KDM7A: variants seen among roughly 807,000 people sequenced by gnomAD.
KDM7A encodes the protein lysine-specific demethylase 7A.
Under a neutral mutation model 114.8 loss-of-function variants are expected in KDM7A, and 28 were observed. The observed-to-expected ratio is 0.24, with a 90% CI of 0.18 to 0.33. The LOEUF is 0.33. Ranked by LOEUF, KDM7A falls within the 10% of genes least tolerant of loss-of-function variation. The pLI is 1.00. For synonymous variants in KDM7A, 423 were observed against 397.8 expected (o/e 1.06, Z -0.75); for missense variants, 942 against 1,142.5 (o/e 0.82, Z 2.53).
rs910346665 is a variant in KDM7A, at chr7:140,166,325, CT to C, written c.194+10418del. On this transcript the variant is annotated intron_variant, in intron 1 of 19. Transcript: ENST00000397560. Reference sequence around the variant, plus strand: ...ACTACGTACATAAAATTGAGGAATACTTTTTTTTCCTTTTTTTTTTTTTTTT... The same window carrying C: ...ACTACGTACATAAAATTGAGGAATACTTTTTTTCCTTTTTTTTTTTTTTTT... Among the ~76,000 whole-genome samples the C allele has an allele frequency of 1.7e-4, 25 of 145,454 alleles. 1 individual carries two copies. The highest frequency in any genetic ancestry group is 4.0e-4 in the East Asian group (2 of 5,052).
At chr7:140,118,994 C>G (rs1818575937) in intron 9 of KDM7A, 119 bp downstream of exon 9, 1 of 568,944 alleles carries the variant, frequency 1.8e-6, no homozygotes, top group Admixed American at 2.7e-5. Context: ...ATTTAAAAAA[C>G]AAAATAGGAG....
chr7:140,144,030 T>C (rs1485234250), intron 1 of KDM7A, among the ~76,000 whole-genome samples: 1 of 152,228 alleles, frequency 6.6e-6, no homozygotes, highest in Non-Finnish European at 1.5e-5. Flanking sequence ...CATAGTTTCT[T>C]ATAAGAAACT....
At chr7:140,166,757 T>G (rs1470426981) in intron 1 of KDM7A, among the ~76,000 whole-genome samples, 1 of 152,220 alleles carries the variant, frequency 6.6e-6, no homozygotes, top group Non-Finnish European at 1.5e-5. Flanking sequence ...TCTACCACTA[T>G]TCAACTCTAT....
Position 140,127,484 on chromosome 7 carries a change from G to T in KDM7A, c.659C>A (p.Pro220Gln). Reference protein sequence around the residue: ...YVKYFMNPNRPKVLNVISLEF... With the variant: ...YVKYFMNPNRQKVLNVISLEF... Reference sequence around the variant, plus strand: ...AAGGCTGATCACATTTAACACTTTTGGTCTGTTAGGATTCATGAAGTATTT... The same window carrying T: ...AAGGCTGATCACATTTAACACTTTTTGTCTGTTAGGATTCATGAAGTATTT... Residue 220 changes from proline (P) to glutamine (Q), a missense_variant, in exon 5 of 20, where the codon CCA (proline) becomes CAA (glutamine). Transcript: ENST00000397560. 6.2e-7 allele frequency: 1 copy of T among 1,613,374 alleles called. No individual in the cohort carries two copies. The highest frequency in any genetic ancestry group is 8.5e-7 in the Non-Finnish European group (1 of 1,179,518).
chr7:140,102,561 CA>C (rs1278792735), intron 11 of KDM7A, among the ~76,000 whole-genome samples: 2 of 152,096 alleles, frequency 1.3e-5, no homozygotes, highest in Non-Finnish European at 2.9e-5. Flanking sequence ...GTTTTAGAGA[CA>C]AGTATTTGCC....
intron 1 of KDM7A, among the ~76,000 whole-genome samples, chr7:140,163,501 C>T (rs1794542384): frequency 6.6e-6 from 1 of 152,062 alleles, no homozygotes; most frequent in Non-Finnish European, 1.5e-5. Context: ...AGGCTAGTCT[C>T]AAACTCCTGT....
intron 14 of KDM7A, 145 bp from the exon 15 acceptor site, chr7:140,097,787 C>A: frequency 1.8e-6 from 1 of 546,226 alleles, no homozygotes. Flanking sequence ...TTATTTTCTT[C>A]ATTTCTTTCT....
chr7:140,128,846 T>C (rs748539461), intron 4 of KDM7A, among the ~76,000 whole-genome samples: 3 of 152,248 alleles, frequency 2.0e-5, no homozygotes, highest in Admixed American at 1.3e-4. Flanking sequence ...GTCAGCTTTA[T>C]CTGTAAATAT....
Position 140,142,969 on chromosome 7 carries a change from C to A in KDM7A, c.195-3779G>T, listed in dbSNP as rs1033410353. ...AATCAAGGCGGGCGGATCACGAGGT[C>A]AGGAGATCGAGACCACCCTGGCTAA... On this transcript the variant is annotated intron_variant, in intron 1 of 19. Transcript: ENST00000397560. Among the ~76,000 whole-genome samples the A allele has an allele frequency of 6.6e-5, 10 of 151,818 alleles. No individual in the cohort carries two copies. The East Asian group carries it at 1.9e-3, about 29-fold the overall frequency.
intron 18 of KDM7A, among the ~76,000 whole-genome samples, chr7:140,093,265 T>C (rs534524581): frequency 9.2e-5 from 14 of 152,292 alleles, no homozygotes; most frequent in African/African-American, 3.4e-4. Flanking sequence ...CTGAGGTCTT[T>C]CGGTGCCATG....
chr7:140,152,764 T>C (rs938552841), intron 1 of KDM7A, among the ~76,000 whole-genome samples: 1 of 152,148 alleles, frequency 6.6e-6, no homozygotes, highest in Non-Finnish European at 1.5e-5. Context: ...CAGGGCAATA[T>C]GTAAAGTACA....
intron 2 of KDM7A, among the ~76,000 whole-genome samples, chr7:140,137,540 T>C (rs535404199): frequency 8.5e-5 from 13 of 152,332 alleles, no homozygotes; most frequent in Middle Eastern, 6.8e-3. Flanking sequence ...CAACAATTAT[T>C]TCAAGTTATA....
intron 1 of KDM7A, among the ~76,000 whole-genome samples, chr7:140,163,980 T>A (rs1794547794): frequency 6.6e-6 from 1 of 152,188 alleles, no homozygotes; most frequent in Non-Finnish European, 1.5e-5. Context: ...GCAACTGCCA[T>A]GAATGGATAT....
At chr7:140,151,051 G>A (rs189179749) in intron 1 of KDM7A, among the ~76,000 whole-genome samples, 2 of 151,980 alleles carry the variant, frequency 1.3e-5, no homozygotes, top group South Asian at 2.1e-4. Flanking sequence ...GGCTGGTTTC[G>A]AACTCTTGAC....
intron 2 of KDM7A, among the ~76,000 whole-genome samples, chr7:140,138,240 C>A (rs1274285731): frequency 1.3e-5 from 2 of 151,840 alleles, no homozygotes; most frequent in Non-Finnish European, 2.9e-5. Context: ...CCCAGGAAGT[C>A]AAGGCTGCAG....
chr7:140,113,605 A>AG (rs1818467427), intron 9 of KDM7A, 23 bp from the exon 10 acceptor site: 1 of 1,307,376 alleles, frequency 7.6e-7, no homozygotes, highest in Admixed American at 1.9e-5. Flanking sequence ...AAATGGGGTG[A>AG]GAAAAAAAAA....
At chr7:140,148,773 G>A (rs1794368954) in intron 1 of KDM7A, among the ~76,000 whole-genome samples, 1 of 152,066 alleles carries the variant, frequency 6.6e-6, no homozygotes, top group South Asian at 2.1e-4. Flanking sequence ...TTAAATTTGT[G>A]GCTCAGAAAA....
At chr7:140,151,455 T>A (rs1794399207) in intron 1 of KDM7A, among the ~76,000 whole-genome samples, 1 of 152,188 alleles carries the variant, frequency 6.6e-6, no homozygotes, top group Non-Finnish European at 1.5e-5. Flanking sequence ...GGCTACCATC[T>A]TGGAGCCCGT....
At position 140,085,573 on chromosome 7, in the gene KDM7A, G is replaced by A. The variant is rs989867030; in HGVS notation, c.*5521C>T. 3.9e-5 allele frequency: 6 copies of A among 152,192 alleles called. No individual in the cohort carries two copies. The highest frequency in any genetic ancestry group is 7.2e-5 in the African/African-American group (3 of 41,432). The allele number at this position is 152,192 out of a possible 1,614,324, so 9.4% of individuals were successfully genotyped here. Reference sequence around the variant, plus strand: ...CTTTTCTGAAGGAAATACCATCTGCGAAGATGCATTTCCTGATCAGTGCTA... The same window carrying A: ...CTTTTCTGAAGGAAATACCATCTGCAAAGATGCATTTCCTGATCAGTGCTA... On this transcript the variant is annotated 3_prime_UTR_variant, in exon 20 of 20. Coordinates refer to ENST00000397560, the MANE Select transcript of KDM7A (RefSeq NM_030647.2).
Sources: gnomAD v4.1 joint callset for allele counts (sites outside exome capture counted in the v4.1 genomes callset) on GRCh38, gnomAD v4.1.1 for gene constraint, MANE v1.5 for transcripts, NCBI Gene and HGNC (gene_info 2026-07-23, HGNC 2026-07-21) for gene names.